Variants in HUWE1 observed in about 807,000 individuals in gnomAD.
HUWE1 encodes E3 ubiquitin-protein ligase HUWE1.
HUWE1 carries 18 observed loss-of-function variants against 299.4 expected under a neutral mutation model. The ratio of observed to expected loss-of-function variants is 0.06; its 90% CI spans 0.04 to 0.09. The LOEUF (loss-of-function observed/expected upper bound fraction) is 0.09, where lower values mean the gene tolerates loss of function less well. Ranked by LOEUF, HUWE1 falls within the 10% of genes least tolerant of loss-of-function variation. The pLI, the probability that HUWE1 is intolerant of heterozygous loss-of-function variation, is 1.00. For missense variants in HUWE1, 1,832 were observed against 3,462.3 expected (o/e 0.53, Z 11.82); for synonymous variants, 1,317 against 1,286.1 (o/e 1.02, Z -0.51).
intron 68 of HUWE1, 131 bp from the exon 69 acceptor site, chrX:53,546,956 C>G (rs2061563199): frequency 2.5e-6 from 2 of 797,656 alleles, no homozygotes; most frequent in Non-Finnish European, 3.7e-6. Flanking sequence ...GAAAACCCAC[C>G]CACCAAAGGC....
Position 53,575,872 on chromosome X carries a change from G to C in HUWE1, c.5885-84C>G, listed in dbSNP as rs782396390. 25 of 985,771 alleles carry C rather than the reference G, an allele frequency of 2.5e-5. No individual in the cohort carries two copies. The South Asian group carries it at 4.7e-4, about 19-fold the overall frequency. 81.2% of individuals were successfully genotyped at this position (985,771 alleles called of 1,213,427 possible). ...GTTAAGGCCTATCTAGTCAGTCTTG[G>C]TCAATTTCACATCAAGTGGCTATGA... On this transcript the variant is annotated intron_variant, in intron 44 of 83. Coordinates refer to ENST00000262854, the MANE Select transcript of HUWE1 (RefSeq NM_031407.7).
chrX:53,584,965 T>G, intron 40 of HUWE1, 47 bp downstream of exon 40: 2 of 1,187,834 alleles, frequency 1.7e-6, no homozygotes, highest in Non-Finnish European at 1.1e-6. Context: ...GAGCCATATG[T>G]GGCCTGTGGT....
At chrX:53,647,605 A>C in intron 5 of HUWE1, 31 bp from the exon 6 acceptor site, 2 of 1,067,891 alleles carry the variant, frequency 1.9e-6, no homozygotes, top group Non-Finnish European at 2.6e-6. Context: ...AGGATGTAAG[A>C]ATAAGGTAGA....
At position 53,627,886 on chromosome X, in the gene HUWE1, C is replaced by T. The variant is rs1412489962; in HGVS notation, c.1243-7G>A. On this transcript the variant is annotated splice_polypyrimidine_tract_variant and splice_region_variant and intron_variant, in intron 15 of 83. Coordinates refer to ENST00000262854, the MANE Select transcript of HUWE1 (RefSeq NM_031407.7). ...CGCCAAGAAACTTTATGACCTATCA[C>T]GGAGAAAAAGAGGCAAAAACAATGA... The T allele has an allele frequency of 1.1e-5, 13 of 1,205,009 alleles. No homozygotes were observed. The highest frequency in any genetic ancestry group is 8.8e-5 in the South Asian group (5 of 56,535).
At chrX:53,564,901 G>C (rs1556944204) in intron 50 of HUWE1, among the ~76,000 whole-genome samples, 166 bp downstream of exon 50, 3 of 112,632 alleles carry the variant, frequency 2.7e-5, no homozygotes, top group Non-Finnish European at 5.6e-5. Context: ...AAACAAGGCT[G>C]CATTTTGAAG....
chrX:53,545,111 C>A lies in HUWE1; in HGVS notation c.10966G>T (p.Ala3656Ser), dbSNP rs1282328635. The change falls in exon 71 of 84, where the codon GCC (alanine) becomes TCC (serine). Residue 3656 changes from alanine (A) to serine (S), a missense_variant. Physicochemically the swap from Ala to Ser is moderately conservative, Grantham distance 99. Transcript: ENST00000262854. Reference protein sequence around the residue: ...REYNLEQQRRAQCETLSPDGL... With the variant: ...REYNLEQQRRSQCETLSPDGL... Reference sequence around the variant, plus strand: ...TCAGGAGAGAGGGTTTCACATTGGGCTCGCCGCTGCTGCTCGAGGTTGTAT... The same window carrying A: ...TCAGGAGAGAGGGTTTCACATTGGGATCGCCGCTGCTGCTCGAGGTTGTAT... The A allele has an allele frequency of 4.1e-6, 5 of 1,207,628 alleles. No individual in the cohort carries two copies. The highest frequency in any genetic ancestry group is 5.6e-6 in the Non-Finnish European group (5 of 894,216).
chrX:53,673,375 T>A (rs2069652171), intron 3 of HUWE1, among the ~76,000 whole-genome samples: 1 of 111,581 alleles, frequency 9.0e-6, no homozygotes, highest in African/African-American at 3.3e-5. Flanking sequence ...CTATACATCA[T>A]GAGACATCTT....
intron 3 of HUWE1, among the ~76,000 whole-genome samples, chrX:53,666,144 A>G (rs1273072718): frequency 4.5e-5 from 5 of 112,226 alleles, no homozygotes; most frequent in Admixed American, 9.4e-5. Flanking sequence ...AACTTACTTC[A>G]CCCGAGACTT....
At chrX:53,660,543 G>A (rs1330454826) in intron 3 of HUWE1, among the ~76,000 whole-genome samples, 1 of 112,204 alleles carries the variant, frequency 8.9e-6, no homozygotes, top group Non-Finnish European at 1.9e-5. Flanking sequence ...GGTTTCAACA[G>A]TGGGAGGGGG....
rs781802798 is a variant in HUWE1, at chrX:53,583,575, G to A, written c.5503C>T (p.Arg1835Cys). 5 of 1,199,548 alleles carry A rather than the reference G, an allele frequency of 4.2e-6. No homozygotes were observed. In the Admixed American group the frequency reaches 6.5e-5, roughly 16 times the overall value. ...RHIIEDPCTL[R>C]HTMEKVVRSA... The stretch of plus-strand genomic sequence containing the variant: ...ACACTCACCTTTTCCATGGTATGAC[G>A]AAGGGTACAGGGGTCCTCAATGATG... The change falls in exon 42 of 84, where the codon CGT becomes TGT. Residue 1835 changes from arginine to cysteine, a missense_variant. By Grantham distance (180) the Arg-to-Cys change is radical. Around this residue, in one of 15 missense-constraint regions of HUWE1, gnomAD observed 50 missense variants for 114.9 expected, o/e 0.44. Coordinates refer to ENST00000262854, the MANE Select transcript of HUWE1 (RefSeq NM_031407.7).
chrX:53,620,186 G>A (rs1569495136), intron 19 of HUWE1, among the ~76,000 whole-genome samples: 1 of 110,398 alleles, frequency 9.1e-6, no homozygotes, highest in Non-Finnish European at 1.9e-5. Context: ...ACCAGGGTAC[G>A]TACGTTACCG....
intron 23 of HUWE1, among the ~76,000 whole-genome samples, chrX:53,609,864 G>A (rs782796599): frequency 8.9e-6 from 1 of 111,789 alleles, no homozygotes; most frequent in South Asian, 3.8e-4. Flanking sequence ...AAGACAAAAT[G>A]TAAACAAAGA....
chrX:53,541,481 C>G (rs1556918483), intron 74 of HUWE1, among the ~76,000 whole-genome samples: 1 of 111,283 alleles, frequency 9.0e-6, no homozygotes, highest in Non-Finnish European at 1.9e-5. Context: ...GTAATCCCAG[C>G]TACTTGGGAG....
chrX:53,599,577 T>C (rs2064706619), intron 29 of HUWE1, among the ~76,000 whole-genome samples: 1 of 112,370 alleles, frequency 8.9e-6, no homozygotes, highest in Non-Finnish European at 1.9e-5. Context: ...TCAATAAAGC[T>C]GCCAAAGTGA....
chrX:53,591,254 G>A, intron 33 of HUWE1, 132 bp from the exon 34 acceptor site: 1 of 697,477 alleles, frequency 1.4e-6, no homozygotes, highest in Non-Finnish European at 2.2e-6. Context: ...ATGAGCTAGG[G>A]CAATTAGGTA....
At position 53,593,400 on chromosome X, in the gene HUWE1, C is replaced by G. The variant is rs782052294; in HGVS notation, c.3705G>C (p.Gln1235His). ...CCACAAGGAAGCGCAGTGCACTGAA[C>G]TGGGGAAAGTTCTGGACACCTCCAG... ...KLPGGVQNFP[Q>H]FSALRFLVVT... Residue 1235 changes from glutamine (Q) to histidine (H), a missense_variant, in exon 32 of 84, where the codon CAG becomes CAC. By Grantham distance (24) the Gln-to-His change is conservative (BLOSUM62 0). Transcript: ENST00000262854. 30 of 1,208,835 alleles carry G rather than the reference C, an allele frequency of 2.5e-5. No individual in the cohort carries two copies. The South Asian group carries it at 5.3e-4, about 21-fold the overall frequency.
At chrX:53,653,003 C>T (rs1438488784) in intron 4 of HUWE1, among the ~76,000 whole-genome samples, 1 of 111,623 alleles carries the variant, frequency 9.0e-6, no homozygotes, top group Non-Finnish European at 1.9e-5. Context: ...AAAAATTAGC[C>T]AGGCATGGTG....
Position 53,549,059 on chromosome X carries a change from G to C in HUWE1, c.9935C>G (p.Thr3312Ser), listed in dbSNP as rs1556926004. The C allele has an allele frequency of 8.3e-7, 1 of 1,209,214 alleles. No homozygotes were observed. The highest frequency in any genetic ancestry group is 1.1e-6 in the Non-Finnish European group (1 of 894,552). Residue 3312 changes from threonine (T) to serine (S), a missense_variant, in exon 67 of 84, where the codon ACC (threonine) becomes AGC (serine). Transcript: ENST00000262854. ...GGAGCCACCGCTTGCATGCTTCTCG[G>C]TATGTTTACGCCCCCCTGAACGCTG... is the stretch of plus-strand genomic sequence containing the variant. ...QIQRSGGRKH[T>S]EKHASGGSTV...
chrX:53,632,383 G>T, intron 9 of HUWE1, 104 bp downstream of exon 9: 1 of 604,760 alleles, frequency 1.7e-6, no homozygotes, highest in Non-Finnish European at 2.9e-6. Flanking sequence ...GGGCAGCAGT[G>T]TAGCTCAAAA....
Sources: gnomAD v4.1 joint callset for allele counts (sites outside exome capture counted in the v4.1 genomes callset) on GRCh38, gnomAD v4.1.1 for gene constraint, gnomAD v4.1.1 regional missense constraint, MANE v1.5 for transcripts, NCBI Gene and HGNC (gene_info 2026-07-23, HGNC 2026-07-21) for gene names.